PDE9A: variants seen among roughly 807,000 people sequenced by gnomAD.
PDE9A encodes the protein phosphodiesterase 9A, also known as high affinity cGMP-specific 3',5'-cyclic phosphodiesterase 9A.
In PDE9A, 60 loss-of-function variants were observed where a neutral mutation model predicts 87.4. The observed-to-expected ratio is 0.69, with a 90% CI of 0.56 to 0.85. PDE9A has a LOEUF of 0.85. Among genes scored for constraint, PDE9A ranks in the 40% least tolerant of loss-of-function variants. The pLI, the probability that PDE9A is intolerant of heterozygous loss-of-function variation, is 0.00. For synonymous variants in PDE9A, 272 were observed against 279.4 expected (o/e 0.97, Z 0.27); for missense variants, 665 against 779.0 (o/e 0.85, Z 1.74).
chr21:42,668,310 C>T (rs1227278488), intron 1 of PDE9A, among the ~76,000 whole-genome samples: 1 of 152,132 alleles, frequency 6.6e-6, no homozygotes, highest in Non-Finnish European at 1.5e-5. Context: ...AGCTCCCACT[C>T]GGAGTCCTGA....
chr21:42,668,898 A>AACCCCCCCCCCCCC (rs2058203632), intron 1 of PDE9A, among the ~76,000 whole-genome samples: 1 of 104,786 alleles, frequency 9.5e-6, no homozygotes, highest in African/African-American at 4.6e-5. Context: ...TGCTCCCTCC[A>AACCCCCCCCCCCCC]CCCCCCGCCA....
chr21:42,772,759 A>C (rs1422970271), intron 19 of PDE9A, among the ~76,000 whole-genome samples: 3 of 151,530 alleles, frequency 2.0e-5, no homozygotes, highest in African/African-American at 7.3e-5. Context: ...TCAGCCCCCT[A>C]AGTAGCTGGG....
intron 4 of PDE9A, among the ~76,000 whole-genome samples, chr21:42,719,020 A>C (rs1037440636): frequency 2.3e-4 from 35 of 151,814 alleles, no homozygotes; most frequent in African/African-American, 6.3e-4. Flanking sequence ...TGGTTTTAGT[A>C]GGAAGCCTGA....
intron 14 of PDE9A, among the ~76,000 whole-genome samples, chr21:42,762,700 T>A (rs539113139): frequency 1.2e-4 from 19 of 152,268 alleles, no homozygotes; most frequent in South Asian, 4.1e-4. Flanking sequence ...TTATTTATTT[T>A]TTTTTCTTTT....
rs184767657 is a variant in PDE9A, at chr21:42,716,876, G to A, written c.263-14894G>A. On this transcript the variant is annotated intron_variant, in intron 4 of 19. Transcript: ENST00000291539. ...AGCGATTCTCCTGCCTCAGCCTCCC[G>A]AGTAGCTGGGATTACAGATGTGTGC... 1.0e-3 allele frequency among the ~76,000 whole-genome samples: 148 copies of A among 143,360 alleles called. 1 individual carries two copies. The highest frequency in any genetic ancestry group is 3.6e-3 in the African/African-American group (138 of 38,530). The allele number at this position is 143,360 out of a possible 152,430, so 94.0% of individuals were successfully genotyped here.
At chr21:42,763,788 C>T (rs1369222101) in intron 14 of PDE9A, among the ~76,000 whole-genome samples, 1 of 152,234 alleles carries the variant, frequency 6.6e-6, no homozygotes, top group Admixed American at 6.5e-5. Flanking sequence ...ACCCTCCAGG[C>T]GTGCTGCTGA....
intron 4 of PDE9A, among the ~76,000 whole-genome samples, chr21:42,715,188 CTT>C (rs369972172): frequency 1.1e-4 from 11 of 104,650 alleles, no homozygotes; most frequent in African/African-American, 2.4e-4. Context: ...TGCATCTTTA[CTT>C]TTTTTTTTTT....
intron 7 of PDE9A, among the ~76,000 whole-genome samples, chr21:42,736,991 G>T (rs1437425129): frequency 1.3e-5 from 2 of 152,250 alleles, no homozygotes. Context: ...TTAACCCAAA[G>T]ATGCAAGAGC....
intron 1 of PDE9A, among the ~76,000 whole-genome samples, chr21:42,661,416 C>A (rs1227002100): frequency 5.9e-5 from 9 of 151,272 alleles, no homozygotes; most frequent in Non-Finnish European, 1.2e-4. Context: ...CCCTGACCCC[C>A]ACTGTACATT....
intron 4 of PDE9A, among the ~76,000 whole-genome samples, chr21:42,727,077 C>CAAAA (rs34249348): frequency 1.9e-3 from 155 of 81,446 alleles, no homozygotes; most frequent in African/African-American, 3.7e-3. Flanking sequence ...TCTATTTCTA[C>CAAAA]AAAAAAAAAA....
intron 1 of PDE9A, among the ~76,000 whole-genome samples, chr21:42,682,220 A>C (rs1363756965): frequency 6.6e-6 from 1 of 152,284 alleles, no homozygotes; most frequent in Non-Finnish European, 1.5e-5. Context: ...CGACCAGTTC[A>C]AAAGAGAAAT....
At chr21:42,767,940 G>A (rs982894465) in intron 15 of PDE9A, among the ~76,000 whole-genome samples, 3 of 152,246 alleles carry the variant, frequency 2.0e-5, no homozygotes, top group Non-Finnish European at 4.4e-5. Flanking sequence ...ACAGGGCAGT[G>A]CTTCAGGGGA....
intron 7 of PDE9A, among the ~76,000 whole-genome samples, chr21:42,742,153 A>C (rs2053347815): frequency 6.6e-6 from 1 of 152,156 alleles, no homozygotes; most frequent in Non-Finnish European, 1.5e-5. Context: ...TGGTTGAAAA[A>C]TAGTATCCTA....
intron 1 of PDE9A, among the ~76,000 whole-genome samples, chr21:42,670,071 TCA>T (rs1247862978): frequency 6.6e-6 from 1 of 151,000 alleles, no homozygotes; most frequent in Non-Finnish European, 1.5e-5. Flanking sequence ...ATTCACACAC[TCA>T]CATACTTACA....
chr21:42,764,549 A>G (rs936080100), intron 14 of PDE9A, among the ~76,000 whole-genome samples: 1 of 152,222 alleles, frequency 6.6e-6, no homozygotes, highest in African/African-American at 2.4e-5. Context: ...GTCGGAGAGC[A>G]TCCCGCAAGA....
chr21:42,743,749 C>T (rs956003443), intron 7 of PDE9A, 27 bp from the exon 8 acceptor site: 38 of 1,446,452 alleles, frequency 2.6e-5, no homozygotes, highest in Middle Eastern at 1.7e-4. Context: ...GTGGTAACCC[C>T]CTTGCTGTCT....
At chr21:42,757,099 G>A (rs577273069) in intron 10 of PDE9A, 1 of 152,362 alleles carries the variant, frequency 6.6e-6, no homozygotes, top group Non-Finnish European at 1.5e-5. Flanking sequence ...CCCTGGCTGG[G>A]TGATCCAGGT....
intron 1 of PDE9A, among the ~76,000 whole-genome samples, chr21:42,667,991 T>G (rs1310295778): frequency 6.6e-6 from 1 of 152,118 alleles, no homozygotes; most frequent in East Asian, 1.9e-4. Flanking sequence ...CCAAGCTCTC[T>G]GGGTCGAAGT....
rs2052940304 is a variant in PDE9A, at chr21:42,739,999, CA to C, written c.569-3775del. On this transcript the variant is annotated intron_variant, in intron 7 of 19. Transcript: ENST00000291539. The surrounding 1 kb of genome is among the most constrained non-coding windows in gnomAD (Gnocchi z 4.1). ...GTGACCTCCTGATGAGTGAAAATAG[CA>C]AGTTAGAAAACAACAAATTTTATCT... Among the ~76,000 whole-genome samples the C allele has an allele frequency of 1.3e-5, 2 of 152,062 alleles. No homozygotes were observed. The highest frequency in any genetic ancestry group is 2.1e-4 in the South Asian group (1 of 4,812).
Sources: gnomAD v4.1 joint callset for allele counts (sites outside exome capture counted in the v4.1 genomes callset) on GRCh38, gnomAD v4.1.1 for gene constraint, Gnocchi (gnomAD v3.1) non-coding constraint, MANE v1.5 for transcripts, NCBI Gene and HGNC (gene_info 2026-07-23, HGNC 2026-07-21) for gene names.